Variants in EFNA5 observed in about 807,000 individuals in gnomAD.
EFNA5 encodes ephrin A5, also known as ephrin-A5.
In EFNA5, 5 loss-of-function variants were observed where a neutral mutation model predicts 22.9. That is an observed-to-expected ratio of 0.22 (90% CI 0.11 to 0.46). The LOEUF is 0.46. EFNA5 is among the 20% of genes least tolerant of loss of function. EFNA5 has a pLI of 0.99. For synonymous variants in EFNA5, 113 were observed against 112.2 expected, an observed-to-expected ratio of 1.01 and a Z score of -0.04; for missense variants, 237 against 293.3, an observed-to-expected ratio of 0.81 and a Z score of 1.40.
intron 1 of EFNA5, among the ~76,000 whole-genome samples, chr5:107,586,140 G>A (rs1749181983): frequency 6.6e-6 from 1 of 152,094 alleles, no homozygotes; most frequent in South Asian, 2.1e-4. Context: ...CAACTCATGG[G>A]ATTGCTCGAA....
intron 1 of EFNA5, among the ~76,000 whole-genome samples, chr5:107,434,746 TCCCCCTTC>T (rs1378056876): frequency 6.6e-6 from 1 of 152,226 alleles, no homozygotes; most frequent in Non-Finnish European, 1.5e-5. Flanking sequence ...GATACTTTCA[TCCCCCTTC>T]ACATTATGTT....
intron 1 of EFNA5, among the ~76,000 whole-genome samples, chr5:107,491,051 T>C (rs1302089017): frequency 6.6e-6 from 1 of 152,188 alleles, no homozygotes; most frequent in African/African-American, 2.4e-5. Context: ...TCAAGCCACA[T>C]TGTGATATGA....
intron 1 of EFNA5, among the ~76,000 whole-genome samples, chr5:107,649,780 G>A (rs971254741): frequency 9.2e-5 from 14 of 151,956 alleles, no homozygotes; most frequent in Non-Finnish European, 1.3e-4. Context: ...CATACTATGC[G>A]CCAGGCATTT....
chr5:107,594,798 G>A (rs527930565), intron 1 of EFNA5, among the ~76,000 whole-genome samples: 5 of 152,214 alleles, frequency 3.3e-5, no homozygotes, highest in South Asian at 2.1e-4. Flanking sequence ...GACCAGCACC[G>A]GTGAAATTAC....
chr5:107,488,144 C>T (rs1746693508), intron 1 of EFNA5, among the ~76,000 whole-genome samples: 1 of 152,118 alleles, frequency 6.6e-6, no homozygotes, highest in African/African-American at 2.4e-5. Context: ...ACATGAGTCC[C>T]ATGTGGGAGA....
At position 107,473,174 on chromosome 5, in the gene EFNA5, TTGAAACTTTGCCTC is replaced by T. The variant is rs576144395; in HGVS notation, c.126-45679_126-45666del. 7.2e-5 allele frequency among the ~76,000 whole-genome samples: 11 copies of T among 152,190 alleles called. No homozygotes were observed. In the East Asian group the frequency reaches 2.1e-3, roughly 29 times the overall value. Reference sequence around the variant, plus strand: ...GTAGCCTTTGTACTGCTGACATTGGTTGAAACTTTGCCTCTGAAACTTACACTCTATTCGACCCA... The same window carrying T: ...GTAGCCTTTGTACTGCTGACATTGGTTGAAACTTACACTCTATTCGACCCA... On this transcript the variant is annotated intron_variant, in intron 1 of 4. Coordinates refer to ENST00000333274, the MANE Select transcript of EFNA5 (RefSeq NM_001962.3).
rs1747441938 is a variant in EFNA5, at chr5:107,381,051, C to CGGGGGGGG, written c.*203_*204insCCCCCCCC. ...CCAAGGGCCAGGGCTGGGGGTGGGG[C>CGGGGGGGG]GGGGTGGGGTGAGGGAGGCAGGAAC... On this transcript the variant is annotated 3_prime_UTR_variant, in exon 5 of 5. Coordinates refer to ENST00000333274, the MANE Select transcript of EFNA5 (RefSeq NM_001962.3). The CGGGGGGGG allele has an allele frequency of 3.3e-6, 1 of 303,700 alleles. No homozygotes were observed. The allele number at this position is 303,700 out of a possible 1,614,324, so 18.8% of individuals were successfully genotyped here.
At chr5:107,623,973 A>C (rs918247928) in intron 1 of EFNA5, among the ~76,000 whole-genome samples, 5 of 152,114 alleles carry the variant, frequency 3.3e-5, no homozygotes, top group African/African-American at 1.2e-4. Context: ...CCAATACACA[A>C]GTGGGGGAGT....
At chr5:107,533,245 C>G (rs964340179) in intron 1 of EFNA5, among the ~76,000 whole-genome samples, 4 of 152,242 alleles carry the variant, frequency 2.6e-5, no homozygotes, top group South Asian at 2.1e-4. Flanking sequence ...TCACTGCTCT[C>G]GATATGAAGC....
chr5:107,451,438 C>G (rs909954534), intron 1 of EFNA5, among the ~76,000 whole-genome samples: 1 of 152,152 alleles, frequency 6.6e-6, no homozygotes, highest in African/African-American at 2.4e-5. Context: ...CACAAATAGA[C>G]TCAATCAGTA....
At chr5:107,538,289 T>C (rs1468457459) in intron 1 of EFNA5, among the ~76,000 whole-genome samples, 1 of 152,342 alleles carries the variant, frequency 6.6e-6, no homozygotes. Flanking sequence ...CATTTTCTTA[T>C]AGGAAAAATA....
At chr5:107,387,413 T>TA in intron 3 of EFNA5, 98 bp from the exon 4 acceptor site, 2 of 801,584 alleles carry the variant, frequency 2.5e-6, no homozygotes. Context: ...TTTCTTTTTT[T>TA]ATGTAGATTG....
chr5:107,473,624 T>C (rs984513571), intron 1 of EFNA5, among the ~76,000 whole-genome samples: 4 of 152,062 alleles, frequency 2.6e-5, no homozygotes, highest in African/African-American at 7.2e-5. Context: ...TATGATCCGA[T>C]ATTCTAATTC....
chr5:107,600,490 C>CTT (rs760418289), intron 1 of EFNA5, among the ~76,000 whole-genome samples: 1 of 144,202 alleles, frequency 6.9e-6, no homozygotes. Context: ...AAATGTTTCT[C>CTT]TTTTTTTTTT....
chr5:107,474,366 A>G (rs892004086), intron 1 of EFNA5, among the ~76,000 whole-genome samples: 1 of 152,154 alleles, frequency 6.6e-6, no homozygotes, highest in South Asian at 2.1e-4. Flanking sequence ...CAAGTAATCA[A>G]TAATATTTTA....
chr5:107,439,970 C>T (rs1050313802), intron 1 of EFNA5, among the ~76,000 whole-genome samples: 4 of 152,176 alleles, frequency 2.6e-5, no homozygotes, highest in African/African-American at 4.8e-5. Context: ...TTCATGCACA[C>T]ATTTATTGGT....
chr5:107,522,726 C>T lies in EFNA5; in HGVS notation c.126-95217G>A, dbSNP rs183337650. ...TTTTCTGGCCTCAGTCCAAGTACTA[C>T]TGCATGTTGGAGTCAACTTCATTGA... On this transcript the variant is annotated intron_variant, in intron 1 of 4. Transcript: ENST00000333274. Among the ~76,000 whole-genome samples, 957 of 152,306 alleles carry T rather than the reference C, an allele frequency of 6.3e-3. 11 individuals carry two copies. The highest frequency in any genetic ancestry group is 9.7e-3 in the Non-Finnish European group (661 of 68,022).
chr5:107,654,987 A>T (rs985557541), intron 1 of EFNA5, among the ~76,000 whole-genome samples: 5 of 150,616 alleles, frequency 3.3e-5, no homozygotes, highest in African/African-American at 1.2e-4. Context: ...TACACATGCA[A>T]TCTGATCAAT....
chr5:107,602,879 G>A (rs569989257), intron 1 of EFNA5, among the ~76,000 whole-genome samples: 1 of 152,150 alleles, frequency 6.6e-6, no homozygotes, highest in Admixed American at 6.5e-5. Flanking sequence ...AGTGACTAGA[G>A]GCCATGGGCT....
Sources: gnomAD v4.1 joint callset for allele counts (sites outside exome capture counted in the v4.1 genomes callset) on GRCh38, gnomAD v4.1.1 for gene constraint, MANE v1.5 for transcripts, NCBI Gene and HGNC (gene_info 2026-07-23, HGNC 2026-07-21) for gene names.